Variants in TM2D3 observed in about 807,000 individuals in gnomAD.
The protein encoded by TM2D3 is TM2 domain containing 3, also known as TM2 domain-containing protein 3.
In TM2D3, 33 loss-of-function variants were observed where a neutral mutation model predicts 27.3. The ratio of observed to expected loss-of-function variants is 1.21; its 90% CI spans 0.92 to 1.61. The LOEUF (loss-of-function observed/expected upper bound fraction) is 1.61. Ranked by LOEUF, TM2D3 falls within the 40% of genes most tolerant of loss-of-function variation. The pLI is 0.00. For synonymous variants in TM2D3, 138 were observed against 122.2 expected, an observed-to-expected ratio of 1.13 and a Z score of -0.85; for missense variants, 364 against 320.8, an observed-to-expected ratio of 1.13 and a Z score of -1.03.
At chr15:101,638,004 A>C (rs1427138417), downstream of TM2D3, among the ~76,000 whole-genome samples, 1 of 152,190 alleles carries the variant, frequency 6.6e-6, no homozygotes, top group East Asian at 1.9e-4. Flanking sequence ...CTTTGCTAGA[A>C]TATCTGGTCT....
intron 4 of TM2D3, 29 bp downstream of exon 4, chr15:101,646,696 T>C: frequency 6.2e-7 from 1 of 1,613,704 alleles, no homozygotes. Context: ...AAACATTTTG[T>C]TGACAAATGT....
downstream of TM2D3, among the ~76,000 whole-genome samples, chr15:101,638,517 C>T (rs532662442): frequency 4.6e-5 from 7 of 152,192 alleles, no homozygotes; most frequent in Middle Eastern, 3.4e-3. Flanking sequence ...AGGCTGGTCT[C>T]GAACTCCTAG....
intron 3 of TM2D3, among the ~76,000 whole-genome samples, chr15:101,647,607 G>A (rs1896848662): frequency 6.6e-6 from 1 of 152,134 alleles, no homozygotes; most frequent in African/African-American, 2.4e-5. Context: ...CCATTATTTT[G>A]TATTCTGCTT....
intron 3 of TM2D3, among the ~76,000 whole-genome samples, chr15:101,648,579 T>C (rs1896881625): frequency 6.6e-6 from 1 of 152,206 alleles, no homozygotes; most frequent in Non-Finnish European, 1.5e-5. Context: ...GCCCCTGCCC[T>C]CCCCAGGCCA....
chr15:101,636,976 G>C (rs909606891), downstream of TM2D3: 3 of 391,204 alleles, frequency 7.7e-6, no homozygotes, highest in African/African-American at 2.1e-5. Context: ...CCAAATATGA[G>C]TGAGGCACAG....
downstream of TM2D3, among the ~76,000 whole-genome samples, chr15:101,638,357 T>C (rs1896595283): frequency 6.6e-6 from 1 of 151,902 alleles, no homozygotes; most frequent in South Asian, 2.1e-4. Flanking sequence ...TGCAATGGTA[T>C]GATCTCGGCT....
chr15:101,637,025 G>A (rs1006811187), downstream of TM2D3: 2 of 253,788 alleles, frequency 7.9e-6, no homozygotes, highest in African/African-American at 2.3e-5. Context: ...GGTGTGGTCC[G>A]GCTACAGCTT....
In TM2D3 at chr15:101,642,316, A is replaced by G; in HGVS notation, c.*163T>C. On this transcript the variant is annotated 3_prime_UTR_variant, in exon 6 of 6. Transcript: ENST00000333202. Reference sequence around the variant, plus strand: ...TCAGGCAAATAAAAACAAATTCCAGATTAGCATAGTTCAGCGTTTCATTTA... The same window carrying G: ...TCAGGCAAATAAAAACAAATTCCAGGTTAGCATAGTTCAGCGTTTCATTTA... 1 of 1,308,240 alleles carries G rather than the reference A, an allele frequency of 7.6e-7. No homozygotes were observed. Among genetic ancestry groups the G allele is most frequent in the African/African-American group, 1.5e-5 (1 of 66,610 alleles). 81.0% of individuals were successfully genotyped at this position (1,308,240 alleles called of 1,614,324 possible). A position where few individuals can be genotyped will look rare whatever the true frequency, so the allele number is the denominator to read the frequency against.
Position 101,642,076 on chromosome 15 carries a change from G to T in TM2D3, c.*403C>A. 1.0e-6 allele frequency: 1 copy of T among 987,880 alleles called. No homozygotes were observed. Among genetic ancestry groups the T allele is most frequent in the Non-Finnish European group, 1.2e-6 (1 of 831,456 alleles). The allele number at this position is 987,880 out of a possible 1,614,324, so 61.2% of individuals were successfully genotyped here. ...AACACTCCCACTTCCTGCAGTCACA[G>T]CAATTAGCTAACAATAAAAACACTC... is the stretch of plus-strand genomic sequence containing the variant. On this transcript the variant is annotated 3_prime_UTR_variant, in exon 6 of 6. Transcript: ENST00000333202.
chr15:101,651,476 G>A lies in TM2D3; in HGVS notation c.169+220C>T, dbSNP rs375804622. The A allele has an allele frequency of 1.9e-4, 94 of 491,276 alleles. 1 individual carries two copies. In the South Asian group the frequency reaches 2.6e-3, roughly 13 times the overall value. The allele number at this position is 491,276 out of a possible 1,614,324, so 30.4% of individuals were successfully genotyped here. ...GAAATAAGGTGACAAATGAGCGTGG[G>A]ATTGGAAAAAGAGAGGAGGCAGAAA... is the stretch of plus-strand genomic sequence containing the variant. On this transcript the variant is annotated intron_variant, in intron 2 of 5. Transcript: ENST00000333202.
At chr15:101,634,666 T>C (rs1896517921) in intron 4 of TM2D3, 1 of 152,160 alleles carries the variant, frequency 6.6e-6, no homozygotes, top group African/African-American at 2.4e-5. Context: ...ACATGTAACA[T>C]TCAGCATGAT....
chr15:101,638,898 T>A (rs879938359), downstream of TM2D3, among the ~76,000 whole-genome samples: 3 of 152,126 alleles, frequency 2.0e-5, no homozygotes, highest in African/African-American at 4.8e-5. Flanking sequence ...GGTGTTTAGC[T>A]TACTCCCAGC....
rs151143463 is a variant in TM2D3, at chr15:101,650,072, T to A, written c.259A>T (p.Asn87Tyr). 6.2e-7 allele frequency: 1 copy of A among 1,614,092 alleles called. No individual in the cohort carries two copies. Among genetic ancestry groups the A allele is most frequent in the East Asian group, 2.2e-5 (1 of 44,884 alleles). ...GGCTTCCCATAGGTACAGGAGAAAT[T>A]TGTTGTGCAGTCTATACAGTCTGCA... ...LPADCIDCTT[N>Y]FSCTYGKPVT... Residue 87 changes from asparagine (N) to tyrosine (Y), a missense_variant, in exon 3 of 6, where the codon AAT (asparagine) becomes TAT (tyrosine). Asn to Tyr is a moderately radical substitution (Grantham distance 143, BLOSUM62 -2). Transcript: ENST00000333202.
In TM2D3 at chr15:101,651,730, T is replaced by C. The variant is rs1332385141; in HGVS notation, c.135A>G (p.Pro45=). 24 of 1,614,104 alleles carry C rather than the reference T, an allele frequency of 1.5e-5. No individual in the cohort carries two copies. The East Asian group carries it at 5.1e-4, about 34-fold the overall frequency. The change falls in exon 2 of 6, where the codon CCA becomes CCG. Residue 45 remains proline (P), a synonymous_variant. Coordinates refer to ENST00000333202, the MANE Select transcript of TM2D3 (RefSeq NM_078474.3). The part of the protein sequence containing the change: ...ALAQSIKDPG[P]TRTFTVVPRA... ...TGGGAACTACTGTGAATGTGCGTGT[T>C]GGGCCCGGATCCTTTATTGACTGAG...
intron 5 of TM2D3, among the ~76,000 whole-genome samples, chr15:101,643,600 AAAAAAAAAAAAAAAAAAAAAAAGC>A (rs1465649478): frequency 5.3e-5 from 3 of 56,846 alleles, no homozygotes; most frequent in East Asian, 2.8e-4. Flanking sequence ...AGACTCCGTT[AAAAAAAAAAAAAAAAAAAAAAAGC>A]AAAAAAAAAA....
At chr15:101,641,230 C>G (rs991950030), downstream of TM2D3, among the ~76,000 whole-genome samples, 1 of 152,154 alleles carries the variant, frequency 6.6e-6, no homozygotes, top group African/African-American at 2.4e-5. Context: ...CCGGGTTACT[C>G]CCATCCTGAA....
rs115695518 is a variant in TM2D3, at chr15:101,650,248, A to G, written c.170-87T>C. On this transcript the variant is annotated intron_variant, in intron 2 of 5. Coordinates refer to ENST00000333202, the MANE Select transcript of TM2D3 (RefSeq NM_078474.3). ...TCTTCTAAGGTTAAGAGACGTGATC[A>G]TTAGCAAGTAGACACTGCACTGGAA... 4.6e-4 allele frequency: 617 copies of G among 1,349,960 alleles called. 3 individuals carry two copies. The African/African-American group carries it at 8.6e-3, about 19-fold the overall frequency. The allele number at this position is 1,349,960 out of a possible 1,614,324, so 83.6% of individuals were successfully genotyped here.
intron 4 of TM2D3, 140 bp downstream of exon 4, chr15:101,646,585 G>A (rs1896816020): frequency 2.4e-6 from 2 of 826,644 alleles, no homozygotes; most frequent in Admixed American, 2.2e-5. Context: ...TGAGTTTATT[G>A]ATGATGCTTG....
At chr15:101,637,224 T>A (rs1896570426), downstream of TM2D3, among the ~76,000 whole-genome samples, 1 of 152,170 alleles carries the variant, frequency 6.6e-6, no homozygotes, top group South Asian at 2.1e-4. Context: ...GAGGGGAGTG[T>A]CTGGGTTATG....
Sources: allele counts gnomAD v4.1 joint callset (sites outside exome capture counted in the v4.1 genomes callset), GRCh38; gene constraint gnomAD v4.1.1; transcripts MANE v1.5; gene names NCBI Gene and HGNC (gene_info 2026-07-23, HGNC 2026-07-21).